The following ZDHHC2 variants were observed in gnomAD, a reference collection of about 807,000 sequenced individuals.
The protein encoded by ZDHHC2 is palmitoyltransferase ZDHHC2.
ZDHHC2 carries 51 observed loss-of-function variants against 55.6 expected under a neutral mutation model. That is an observed-to-expected ratio of 0.92 (90% CI 0.73 to 1.16). The LOEUF is 1.16. Ranked by LOEUF, ZDHHC2 falls within the 50% of genes most tolerant of loss-of-function variation. The pLI is 0.00. For synonymous variants in ZDHHC2, 199 were observed against 152.9 expected, an observed-to-expected ratio of 1.30 and a Z score of -2.22; for missense variants, 491 against 442.4, an observed-to-expected ratio of 1.11 and a Z score of -0.99.
At chr8:17,206,603 A>G (rs1381841167) in intron 7 of ZDHHC2, among the ~76,000 whole-genome samples, 1 of 152,182 alleles carries the variant, frequency 6.6e-6, no homozygotes. Context: ...TTAAACTATC[A>G]TGCCTATAAT....
chr8:17,206,123 A>C (rs1807092082), intron 7 of ZDHHC2, among the ~76,000 whole-genome samples: 1 of 152,160 alleles, frequency 6.6e-6, no homozygotes, highest in Admixed American at 6.5e-5. Flanking sequence ...ATTTAGTGCC[A>C]TGCTTTTTTC....
intron 3 of ZDHHC2, among the ~76,000 whole-genome samples, chr8:17,194,143 A>C (rs940340021): frequency 6.6e-6 from 1 of 152,120 alleles, no homozygotes; most frequent in African/African-American, 2.4e-5. Context: ...TGTATGTGCC[A>C]CATGTTCTTT....
At chr8:17,184,872 AT>A (rs1212317158) in intron 2 of ZDHHC2, 57 bp downstream of exon 2, 1 of 1,409,958 alleles carries the variant, frequency 7.1e-7, no homozygotes, top group African/African-American at 1.4e-5. Context: ...AAAAAATTGT[AT>A]TCACTTAGAT....
At position 17,190,460 on chromosome 8, in the gene ZDHHC2, T is replaced by C. The variant is rs1054344049; in HGVS notation, c.252+4035T>C. 3.9e-5 allele frequency among the ~76,000 whole-genome samples: 6 copies of C among 152,138 alleles called. No individual in the cohort carries two copies. The South Asian group carries it at 6.2e-4, about 16-fold the overall frequency. ...CAAGGTCTTGGGCTATTCTTTTAAT[T>C]GATCAGCTGTTAGAGACCTCTCGCT... On this transcript the variant is annotated intron_variant, in intron 3 of 12. Coordinates refer to ENST00000262096, the MANE Select transcript of ZDHHC2 (RefSeq NM_016353.5).
At chr8:17,210,270 T>C in intron 9 of ZDHHC2, 118 bp from the exon 10 acceptor site, 1 of 1,125,234 alleles carries the variant, frequency 8.9e-7, no homozygotes, top group Non-Finnish European at 1.3e-6. Flanking sequence ...CAATGTCTAA[T>C]ACACATTTTT....
At chr8:17,162,101 G>A (rs1804376747) in intron 1 of ZDHHC2, among the ~76,000 whole-genome samples, 1 of 152,212 alleles carries the variant, frequency 6.6e-6, no homozygotes, top group Admixed American at 6.5e-5. Flanking sequence ...GGAAAGGGGA[G>A]TAAGAGAAAG....
Position 17,211,464 on chromosome 8 carries a change from TTTG to T in ZDHHC2, c.950+996_950+998del, listed in dbSNP as rs544955207. Among the ~76,000 whole-genome samples the T allele has an allele frequency of 8.4e-4, 127 of 152,034 alleles. 1 individual carries two copies. The highest frequency in any genetic ancestry group is 3.4e-3 in the Middle Eastern group (1 of 292). On this transcript the variant is annotated intron_variant, in intron 10 of 12. Coordinates refer to ENST00000262096, the MANE Select transcript of ZDHHC2 (RefSeq NM_016353.5). ...TCCTGGTAGCCATTCTAAAGTTCTT[TTTG>T]TTGTTGTTGTTTGTTTGTTTGTTTG...
At chr8:17,183,954 C>T (rs1028506425) in intron 1 of ZDHHC2, among the ~76,000 whole-genome samples, 17 of 152,044 alleles carry the variant, frequency 1.1e-4, no homozygotes, top group African/African-American at 3.6e-4. Flanking sequence ...CAGAAGGCAG[C>T]GCATTTCATT....
At chr8:17,208,169 A>G (rs1807199809) in intron 8 of ZDHHC2, 77 bp downstream of exon 8, 8 of 1,393,096 alleles carry the variant, frequency 5.7e-6, no homozygotes, top group Non-Finnish European at 7.6e-6. Flanking sequence ...TATGTGATTA[A>G]ATGCCAACTT....
intron 3 of ZDHHC2, among the ~76,000 whole-genome samples, chr8:17,194,673 G>A (rs1806213315): frequency 6.6e-6 from 1 of 152,060 alleles, no homozygotes; most frequent in Non-Finnish European, 1.5e-5. Context: ...ATGTTGTTCA[G>A]TATACTGAGG....
intron 6 of ZDHHC2, among the ~76,000 whole-genome samples, 160 bp from the exon 7 acceptor site, chr8:17,205,495 G>A (rs567101961): frequency 6.6e-6 from 1 of 152,180 alleles, no homozygotes; most frequent in Non-Finnish European, 1.5e-5. Flanking sequence ...TTAGTGAAAT[G>A]GATTTTTACA....
At chr8:17,212,784 C>T (rs1368160266) in intron 10 of ZDHHC2, among the ~76,000 whole-genome samples, 1 of 152,078 alleles carries the variant, frequency 6.6e-6, no homozygotes, top group Non-Finnish European at 1.5e-5. Flanking sequence ...ACTGATCTGA[C>T]CCCAGACAGT....
rs1806615000 is a variant in ZDHHC2 at position 17,199,612 on chromosome 8, C to CTTCTTCTTCTGCCT, written c.476+1209_476+1210insGCCTTTCTTCTTCT. 8.7e-5 allele frequency among the ~76,000 whole-genome samples: 6 copies of CTTCTTCTTCTGCCT among 68,918 alleles called. No individual in the cohort carries two copies. The South Asian group carries it at 3.1e-3, about 36-fold the overall frequency. The allele number at this position is 68,918 out of a possible 152,430, so 45.2% of individuals were successfully genotyped here. A position where few individuals can be genotyped will look rare whatever the true frequency, so the allele number is the denominator to read the frequency against. On this transcript the variant is annotated intron_variant, in intron 6 of 12. Transcript: ENST00000262096. Reference sequence around the variant, plus strand: ...TCTTTCTTCTTCTTTATTCTTTCTTCTTCTTCTTCTTCCTTTCTTCTTCTT... The same window carrying CTTCTTCTTCTGCCT: ...TCTTTCTTCTTCTTTATTCTTTCTTCTTCTTCTTCTGCCTTTCTTCTTCTTCCTTTCTTCTTCTT...
intron 1 of ZDHHC2, among the ~76,000 whole-genome samples, chr8:17,183,334 A>G (rs2904667): frequency 0.088 from 13,408 of 152,240 alleles, 684 homozygotes; most frequent in South Asian, 0.19. Flanking sequence ...CTAGAAAGAA[A>G]TGCATACCTG....
intron 1 of ZDHHC2, among the ~76,000 whole-genome samples, chr8:17,179,524 C>T (rs1805327801): frequency 6.6e-6 from 1 of 152,054 alleles, no homozygotes; most frequent in Non-Finnish European, 1.5e-5. Context: ...TTCTCCTGCC[C>T]CCAGTCTCCC....
chr8:17,197,434 T>A (rs1806375017), intron 4 of ZDHHC2, 148 bp from the exon 5 acceptor site: 1 of 711,846 alleles, frequency 1.4e-6, no homozygotes, highest in Non-Finnish European at 2.2e-6. Context: ...ATTTTTGTAT[T>A]TAAACAGCAT....
intron 6 of ZDHHC2, among the ~76,000 whole-genome samples, chr8:17,202,948 T>A (rs1257659383): frequency 6.6e-6 from 1 of 152,138 alleles, no homozygotes; most frequent in Non-Finnish European, 1.5e-5. Flanking sequence ...TACTCTTTAT[T>A]ATTTAATTCA....
At chr8:17,180,943 G>T (rs762584196) in intron 1 of ZDHHC2, among the ~76,000 whole-genome samples, 8 of 152,176 alleles carry the variant, frequency 5.3e-5, no homozygotes, top group South Asian at 2.1e-4. Flanking sequence ...TTGAAGCCCA[G>T]TTGAAGCCAG....
chr8:17,177,066 G>C (rs937639437), intron 1 of ZDHHC2, among the ~76,000 whole-genome samples: 1 of 152,162 alleles, frequency 6.6e-6, no homozygotes, highest in Non-Finnish European at 1.5e-5. Flanking sequence ...TTGGAAAGTA[G>C]CTAAAAGGAC....
Sources: allele counts gnomAD v4.1 joint callset (sites outside exome capture counted in the v4.1 genomes callset), GRCh38; gene constraint gnomAD v4.1.1; transcripts MANE v1.5; gene names NCBI Gene and HGNC (gene_info 2026-07-23, HGNC 2026-07-21).